Variants in LRRK2 observed in about 807,000 individuals in gnomAD.
LRRK2 encodes the protein leucine-rich repeat serine/threonine-protein kinase 2.
LRRK2 carries 203 observed loss-of-function variants against 302.6 expected under a neutral mutation model. The ratio of observed to expected loss-of-function variants is 0.67; its 90% CI spans 0.60 to 0.75. The LOEUF is 0.75. Ranked by LOEUF, LRRK2 falls within the 30% of genes least tolerant of loss-of-function variation. LRRK2 has a pLI of 0.00. For synonymous variants in LRRK2, 1,066 were observed against 1,031.9 expected (o/e 1.03, Z -0.63); for missense variants, 2,830 against 2,951.0 (o/e 0.96, Z 0.95).
At chr12:40,256,241 G>A (rs1198355970) in intron 11 of LRRK2, among the ~76,000 whole-genome samples, 1 of 152,162 alleles carries the variant, frequency 6.6e-6, no homozygotes, top group Non-Finnish European at 1.5e-5. Context: ...GAGCTCAGGA[G>A]TTCAAGACCA....
chr12:40,328,387 G>C lies in LRRK2; in HGVS notation c.5684G>C (p.Arg1895Pro), dbSNP rs774140537. 6.2e-7 allele frequency: 1 copy of C among 1,613,630 alleles called. No homozygotes were observed. The highest frequency in any genetic ancestry group is 1.1e-5 in the South Asian group (1 of 91,036). The change falls in exon 39 of 51, where the codon CGA becomes CCA. Residue 1895 changes from arginine to proline, a missense_variant. Physicochemically the swap from Arg to Pro is moderately radical, Grantham distance 103. This residue lies in a region of LRRK2 where 253 missense variants were observed against 346.7 expected (regional missense o/e 0.73). Transcript: ENST00000298910. ...GATGGCAGTTTTGGATCAGTTTACC[G>C]AGCAGCCTATGAAGGAGAAGAAGTG... is the stretch of plus-strand genomic sequence containing the variant. Reference protein sequence around the residue: ...LGDGSFGSVYRAAYEGEEVAV... With the variant: ...LGDGSFGSVYPAAYEGEEVAV...
chr12:40,260,939 A>G (rs1942743684), intron 13 of LRRK2, among the ~76,000 whole-genome samples: 1 of 152,088 alleles, frequency 6.6e-6, no homozygotes, highest in African/African-American at 2.4e-5. Context: ...TCCTAAATCT[A>G]TCATTTTCTC....
intron 25 of LRRK2, 123 bp downstream of exon 25, chr12:40,299,380 T>A: frequency 9.2e-7 from 1 of 1,089,026 alleles, no homozygotes; most frequent in South Asian, 1.4e-5. Flanking sequence ...ATGCTGGATT[T>A]AAAAAATAAA....
At chr12:40,312,718 G>C (rs1433615202) in intron 31 of LRRK2, 1 of 152,006 alleles carries the variant, frequency 6.6e-6, no homozygotes, top group Non-Finnish European at 1.5e-5. Flanking sequence ...TAGCAGAGCA[G>C]GCATCTCTGT....
chr12:40,303,442 G>T (rs1944699074), intron 26 of LRRK2, among the ~76,000 whole-genome samples: 2 of 152,008 alleles, frequency 1.3e-5, no homozygotes, highest in African/African-American at 4.8e-5. Context: ...AAATATATGT[G>T]TAAATTTATC....
chr12:40,323,362 A>G, intron 38 of LRRK2, 56 bp downstream of exon 38: 1 of 1,404,374 alleles, frequency 7.1e-7, no homozygotes, highest in Non-Finnish European at 9.9e-7. Context: ...TCTCCTTATA[A>G]TTTAGAAAAT....
chr12:40,252,799 T>C (rs546144700), intron 10 of LRRK2, 111 bp from the exon 11 acceptor site: 4 of 733,232 alleles, frequency 5.5e-6, no homozygotes, highest in African/African-American at 1.7e-5. Flanking sequence ...TGGCATGAAA[T>C]ATTGTTTATA....
Position 40,359,431 on chromosome 12 carries a change from A to C in LRRK2, c.7015A>C (p.Arg2339=). Residue 2339 remains arginine (R), a synonymous_variant, in exon 47 of 51, where the codon AGA becomes CGA. Transcript: ENST00000298910. ...CACCATTCAGAAACTCATTGAGACAAGAACAAGCCAACTGTAAGTTATTTT... is the reference window on the plus strand; with the variant it reads ...CACCATTCAGAAACTCATTGAGACACGAACAAGCCAACTGTAAGTTATTTT... ...DFTIQKLIET[R]TSQLFSYAAF... is the part of the protein sequence containing the mutation. The C allele has an allele frequency of 6.2e-7, 1 of 1,613,126 alleles. No homozygotes were observed. The highest frequency in any genetic ancestry group is 8.5e-7 in the Non-Finnish European group (1 of 1,179,424).
At chr12:40,340,085 T>A (rs1435552808) in intron 40 of LRRK2, among the ~76,000 whole-genome samples, 2 of 152,210 alleles carry the variant, frequency 1.3e-5, no homozygotes, top group Non-Finnish European at 2.9e-5. Flanking sequence ...TTATCAGATT[T>A]GACCCTTTTT....
chr12:40,257,434 C>A, intron 12 of LRRK2, 57 bp downstream of exon 12: 3 of 1,551,546 alleles, frequency 1.9e-6, no homozygotes, highest in South Asian at 2.3e-5. Context: ...GGTAGAATAT[C>A]AATATTTCAA....
chr12:40,312,719 G>C (rs1399232902), intron 31 of LRRK2: 3 of 151,968 alleles, frequency 2.0e-5, no homozygotes, highest in Non-Finnish European at 4.4e-5. Context: ...AGCAGAGCAG[G>C]CATCTCTGTG....
chr12:40,336,788 T>C (rs974590597), intron 40 of LRRK2, among the ~76,000 whole-genome samples: 2 of 152,216 alleles, frequency 1.3e-5, no homozygotes, highest in East Asian at 3.8e-4. Context: ...GTTACATTAA[T>C]CTAGGTAAAG....
At chr12:40,294,132 CATCTATCTATCTATCTATCTATCT>C (rs72446556) in intron 21 of LRRK2, among the ~76,000 whole-genome samples, 4 of 149,098 alleles carry the variant, frequency 2.7e-5, no homozygotes, top group East Asian at 3.9e-4. Flanking sequence ...ATCTATCTAT[CATCTATCTATCTATCTATCTATCT>C]ATCTATCTAT....
intron 8 of LRRK2, among the ~76,000 whole-genome samples, chr12:40,250,413 C>T (rs550533481): frequency 6.6e-6 from 1 of 152,260 alleles, no homozygotes; most frequent in South Asian, 2.1e-4. Flanking sequence ...TCGCTTGGAA[C>T]TGGAGGGTAG....
At chr12:40,298,197 T>C in intron 23 of LRRK2, 46 bp from the exon 24 acceptor site, 1 of 1,601,528 alleles carries the variant, frequency 6.2e-7, no homozygotes, top group Non-Finnish European at 8.5e-7. Flanking sequence ...TAGACTTAAG[T>C]TCCTCAGATG....
Position 40,367,875 on chromosome 12 carries a change from G to A in LRRK2, c.*110G>A, listed in dbSNP as rs139288753. 2.1e-4 allele frequency: 202 copies of A among 950,902 alleles called. No homozygotes were observed. In the African/African-American group the frequency reaches 2.8e-3, roughly 13 times the overall value. 58.9% of individuals were successfully genotyped at this position (950,902 alleles called of 1,614,324 possible). A position where few individuals can be genotyped will look rare whatever the true frequency, so the allele number is the denominator to read the frequency against. On this transcript the variant is annotated 3_prime_UTR_variant, in exon 51 of 51. Transcript: ENST00000298910. Reference sequence around the variant, plus strand: ...GTACTCACATTTTTTGAAATAGCTCGTGTGTATGAAGGAATGTTATTATTT... The same window carrying A: ...GTACTCACATTTTTTGAAATAGCTCATGTGTATGAAGGAATGTTATTATTT...
In LRRK2 at chr12:40,308,408, T is replaced by C. The variant is rs919530466; in HGVS notation, c.3960-59T>C. ...AGTGTGACATGTAAAAGAACTCACC[T>C]AAATCTCAAGTATACTTTTAAGCAG... On this transcript the variant is annotated intron_variant, in intron 28 of 50. Transcript: ENST00000298910. 11 of 1,353,220 alleles carry C rather than the reference T, an allele frequency of 8.1e-6. No homozygotes were observed. The South Asian group carries it at 9.8e-5, about 12-fold the overall frequency. The allele number at this position is 1,353,220 out of a possible 1,614,324, so 83.8% of individuals were successfully genotyped here. A position where few individuals can be genotyped will look rare whatever the true frequency, so the allele number is the denominator to read the frequency against.
intron 47 of LRRK2, among the ~76,000 whole-genome samples, 193 bp downstream of exon 47, chr12:40,359,637 T>C (rs1485034944): frequency 6.6e-6 from 1 of 152,112 alleles, no homozygotes. Context: ...TTTTAAGAAG[T>C]CACTCAACCT....
At chr12:40,246,247 G>A (rs1423265817) in intron 7 of LRRK2, among the ~76,000 whole-genome samples, 2 of 151,636 alleles carry the variant, frequency 1.3e-5, no homozygotes, top group Non-Finnish European at 2.9e-5. Flanking sequence ...TACTTAAAAT[G>A]TAGTAAGTCT....
Sources: gnomAD v4.1 joint callset for allele counts (sites outside exome capture counted in the v4.1 genomes callset) on GRCh38, gnomAD v4.1.1 for gene constraint, gnomAD v4.1.1 regional missense constraint, MANE v1.5 for transcripts, NCBI Gene and HGNC (gene_info 2026-07-23, HGNC 2026-07-21) for gene names.